Variants in PCARE observed in about 807,000 individuals in gnomAD.
PCARE encodes the protein photoreceptor cilium actin regulator.
Under a neutral mutation model 82.2 loss-of-function variants are expected in PCARE, and 72 were observed. The ratio of observed to expected loss-of-function variants is 0.88; its 90% CI spans 0.72 to 1.07. The LOEUF (loss-of-function observed/expected upper bound fraction) is 1.07. Ranked by LOEUF, PCARE falls within the 50% of genes least tolerant of loss-of-function variation. The pLI is 0.00. For synonymous variants in PCARE, 705 were observed against 634.8 expected, an observed-to-expected ratio of 1.11 and a Z score of -1.66; for missense variants, 1,768 against 1,592.4, an observed-to-expected ratio of 1.11 and a Z score of -1.88.
Position 29,064,950 on chromosome 2 carries a change from C to A in PCARE, c.3786G>T (p.Gly1262=), listed in dbSNP as rs1667369625. The A allele has an allele frequency of 1.9e-6, 3 of 1,607,520 alleles. No homozygotes were observed. The highest frequency in any genetic ancestry group is 2.5e-6 in the Non-Finnish European group (3 of 1,177,470). The part of the protein sequence containing the change: ...SPPEFCVLGH[G]LQPEPRTGHI... ...GGCCGGTCCGAGGCTCCGGTTGCAG[C>A]CCGTGGCCCAGCACACAGAACTCTG... The change falls in exon 2 of 2, where the codon GGG becomes GGT. Residue 1262 remains glycine, a synonymous_variant. Transcript: ENST00000331664.
In PCARE at chr2:29,074,473, G is replaced by T. The variant is rs1667552920; in HGVS notation, c.-212C>A. On this transcript the variant is annotated 5_prime_UTR_variant, in exon 1 of 2. Transcript: ENST00000331664. The stretch of plus-strand genomic sequence containing the variant: ...AGGGAGTGGTACCTGTCGTCCTGTT[G>T]TTGTTCTAAGTTTGGAACCCTCTGC... Among the ~76,000 whole-genome samples, 1 of 152,154 alleles carries T rather than the reference G, an allele frequency of 6.6e-6. No homozygotes were observed. Among genetic ancestry groups the T allele is most frequent in the South Asian group, 2.1e-4 (1 of 4,832 alleles).
rs1204184290 is a variant in PCARE, at chr2:29,070,743, T to C, written c.3519A>G (p.Ala1173=). ...WKNSSGPWLR[A]DSQRRAALCA... ...ACAGAGCTGCTCTCCGCTGCGAGTC[T>C]GCTCTCAGCCAAGGCCCTGAGCTGT... is the stretch of plus-strand genomic sequence containing the variant. The change falls in exon 1 of 2, where the codon GCA becomes GCG. Residue 1173 remains alanine, a synonymous_variant. Transcript: ENST00000331664. The C allele has an allele frequency of 6.2e-7, 1 of 1,614,170 alleles. No homozygotes were observed. Among genetic ancestry groups the C allele is most frequent in the Admixed American group, 1.7e-5 (1 of 60,024 alleles).
intron 1 of PCARE, 29 bp from the exon 2 acceptor site, chr2:29,065,096 A>G: frequency 6.5e-7 from 1 of 1,546,146 alleles, no homozygotes. Flanking sequence ...AGTGCAGGTC[A>G]GACACTCCTC....
In PCARE at chr2:29,070,591, TAC is replaced by T. The variant is rs1407846350; in HGVS notation, c.3668+1_3668+2del. 1.9e-6 allele frequency: 3 copies of T among 1,613,822 alleles called. No homozygotes were observed. The highest frequency in any genetic ancestry group is 1.7e-5 in the Admixed American group (1 of 60,008). ...AGGGCAGTGACCCCAGGACACTCCT[TAC>T]CTGTTCTGGCCGAGCTGGGATTCAT... On this transcript the variant is annotated splice_donor_variant, in intron 1 of 1. Transcript: ENST00000331664. LOFTEE classifies it high-confidence loss of function.
Position 29,074,121 on chromosome 2 carries a change from G to A in PCARE, c.141C>T (p.Asn47=), listed in dbSNP as rs1211392659. The A allele has an allele frequency of 6.2e-7, 1 of 1,614,104 alleles. No homozygotes were observed. Among genetic ancestry groups the A allele is most frequent in the Non-Finnish European group, 8.5e-7 (1 of 1,179,954 alleles). ...ERGSIPLLVK[N]STCYDAGEGL... is the part of the protein sequence containing the mutation. ...CCTCCCCAGCGTCATAGCAGGTGGA[G>A]TTTTTAACCAGCAAAGGGATGGAAC... Residue 47 remains asparagine (N), a synonymous_variant, in exon 1 of 2, where the codon AAC becomes AAT. Transcript: ENST00000331664.
At position 29,070,803 on chromosome 2, in the gene PCARE, C is replaced by T. The variant is rs749100588; in HGVS notation, c.3459G>A (p.Gly1153=). ...LTPPSLPPEA[G]GPLGNPAECW... Reference sequence around the variant, plus strand: ...ATTCTGCTGGGTTCCCGAGAGGGCCCCCAGCCTCTGGCGGCAGCGATGGTG... The same window carrying T: ...ATTCTGCTGGGTTCCCGAGAGGGCCTCCAGCCTCTGGCGGCAGCGATGGTG... Residue 1153 remains glycine (G), a synonymous_variant, in exon 1 of 2, where the codon GGG becomes GGA. Transcript: ENST00000331664. The T allele has an allele frequency of 6.2e-7, 1 of 1,614,114 alleles. No homozygotes were observed. Among genetic ancestry groups the T allele is most frequent in the South Asian group, 1.1e-5 (1 of 91,080 alleles).
In PCARE at chr2:29,073,106, G is replaced by C; in HGVS notation, c.1156C>G (p.Pro386Ala). 2 of 1,614,178 alleles carry C rather than the reference G, an allele frequency of 1.2e-6. No individual in the cohort carries two copies. Among genetic ancestry groups the C allele is most frequent in the Non-Finnish European group, 1.7e-6 (2 of 1,180,014 alleles). Residue 386 changes from proline (P) to alanine (A), a missense_variant, in exon 1 of 2, where the codon CCC becomes GCC. By Grantham distance (27) the Pro-to-Ala change is conservative. Transcript: ENST00000331664. ...EPEEWKSVTSPHTEARQSGHT... is the reference protein window; with the variant it reads ...EPEEWKSVTSAHTEARQSGHT... Reference sequence around the variant, plus strand: ...CCTGACTGCCTGGCCTCTGTGTGGGGTGAAGTCACCGACTTCCATTCTTCG... The same window carrying C: ...CCTGACTGCCTGGCCTCTGTGTGGGCTGAAGTCACCGACTTCCATTCTTCG...
In PCARE at chr2:29,074,163, C is replaced by T. The variant is rs146455733; in HGVS notation, c.99G>A (p.Gln33=). 1,937 of 1,610,772 alleles carry T rather than the reference C, an allele frequency of 1.2e-3. 4 individuals are homozygous for T. Among genetic ancestry groups the T allele is most frequent in the Non-Finnish European group, 1.4e-3 (1,593 of 1,177,742 alleles). ...GGATGGAACCTCTTTCACTTCCGCC[C>T]TGACATCCTGGCCGAATTGCTTTGG... The part of the protein sequence containing the change: ...KKPKAIRPGC[Q]GGSERGSIPL... Residue 33 remains glutamine, a synonymous_variant, in exon 1 of 2, where the codon CAG becomes CAA. Coordinates refer to ENST00000331664, the MANE Select transcript of PCARE (RefSeq NM_001029883.3).
chr2:29,074,153 C>G lies in PCARE; in HGVS notation c.109G>C (p.Glu37Gln), dbSNP rs774765654. 15 of 1,611,612 alleles carry G rather than the reference C, an allele frequency of 9.3e-6. No individual in the cohort carries two copies. The highest frequency in any genetic ancestry group is 1.3e-5 in the Non-Finnish European group (15 of 1,178,160). The change falls in exon 1 of 2, where the codon GAA becomes CAA. Residue 37 changes from glutamate to glutamine, a missense_variant. Glu to Gln is a conservative substitution (Grantham distance 29). Transcript: ENST00000331664. ...AIRPGCQGGS[E>Q]RGSIPLLVKN... ...ACCAGCAAAGGGATGGAACCTCTTT[C>G]ACTTCCGCCCTGACATCCTGGCCGA...
At chr2:29,066,101 T>C (rs1033127408) in intron 1 of PCARE, among the ~76,000 whole-genome samples, 11 of 152,094 alleles carry the variant, frequency 7.2e-5, no homozygotes, top group African/African-American at 2.4e-4. Flanking sequence ...TGAGCCGAGA[T>C]TGCGCCATAG....
In PCARE at chr2:29,070,627, C is replaced by T; in HGVS notation, c.3635G>A (p.Ser1212Asn). The T allele has an allele frequency of 6.2e-7, 1 of 1,614,052 alleles. No homozygotes were observed. The highest frequency in any genetic ancestry group is 2.2e-5 in the East Asian group (1 of 44,872). The change falls in exon 1 of 2, where the codon AGC becomes AAC. Residue 1212 changes from serine to asparagine, a missense_variant. Coordinates refer to ENST00000331664, the MANE Select transcript of PCARE (RefSeq NM_001029883.3). ...RPQPPTLDPT[S>N]TSYESQLGQN... ...GCCGAGCTGGGATTCATAAGAGGTG[C>T]TGGTGGGGTCCAAGGTGGGAGGCTG...
Position 29,065,006 on chromosome 2 carries a change from G to T in PCARE, c.3730C>A (p.Leu1244Met), listed in dbSNP as rs370823165. ...EPGSSPCSPE[L>M]QGGTRRASPP... ...GATGCACGCCTGGTGCCGCCCTGCA[G>T]TTCAGGGGAACAGGGGCTGCTCCCC... Residue 1244 changes from leucine (L) to methionine (M), a missense_variant, in exon 2 of 2, where the codon CTG becomes ATG. Leu to Met is a conservative substitution (Grantham distance 15). Transcript: ENST00000331664. 6.4e-7 allele frequency: 1 copy of T among 1,567,546 alleles called. No homozygotes were observed. Among genetic ancestry groups the T allele is most frequent in the East Asian group, 2.4e-5 (1 of 41,770 alleles).
Position 29,072,476 on chromosome 2 carries a change from A to G in PCARE, c.1786T>C (p.Ser596Pro). The change falls in exon 1 of 2, where the codon TCA (serine) becomes CCA (proline). Residue 596 changes from serine (S) to proline (P), a missense_variant. Transcript: ENST00000331664. ...ACGTGACTCTGGAGACACGACTCTG[A>G]CTGGGACCTCGTCTGCCTCTCAGGG... ...RAPERQTRSQ[S>P]ESCLQSHVED... The G allele has an allele frequency of 5.0e-6, 8 of 1,614,108 alleles. No individual in the cohort carries two copies. The highest frequency in any genetic ancestry group is 5.9e-6 in the Non-Finnish European group (7 of 1,179,998).
intron 1 of PCARE, among the ~76,000 whole-genome samples, chr2:29,069,115 T>A (rs1273392571): frequency 2.0e-5 from 3 of 152,224 alleles, no homozygotes; most frequent in Non-Finnish European, 4.4e-5. Flanking sequence ...GAAGCAGAGC[T>A]GAGAATCCGG....
chr2:29,071,303 TTCTC>T lies in PCARE; in HGVS notation c.2955_2958del (p.Arg986AlafsTer48). 1 of 1,613,490 alleles carries T rather than the reference TTCTC, an allele frequency of 6.2e-7. No individual in the cohort carries two copies. The highest frequency in any genetic ancestry group is 8.5e-7 in the Non-Finnish European group (1 of 1,179,908). On this transcript the variant is annotated frameshift_variant, in exon 1 of 2. Coordinates refer to ENST00000331664, the MANE Select transcript of PCARE (RefSeq NM_001029883.3). LOFTEE classifies it high-confidence loss of function. ...GAGGCCTTTCTGCCCACAGGGGGGCTTCTCTCTCGGCTCTGCCTTGGTCTGGCCA... is the reference window on the plus strand; with the variant it reads ...GAGGCCTTTCTGCCCACAGGGGGGCTTCTCGGCTCTGCCTTGGTCTGGCCA...
chr2:29,065,071 C>T lies in PCARE; in HGVS notation c.3669-4G>A. On this transcript the variant is annotated splice_region_variant and splice_polypyrimidine_tract_variant and intron_variant, in intron 1 of 1. Coordinates refer to ENST00000331664, the MANE Select transcript of PCARE (RefSeq NM_001029883.3). ...CTTAGGGCTCTCCTCGCTGCTGCTG[C>T]CGAGAGAAAGGACAAGTGCAGGTCA... 4 of 1,550,182 alleles carry T rather than the reference C, an allele frequency of 2.6e-6. No homozygotes were observed. The highest frequency in any genetic ancestry group is 3.5e-6 in the Non-Finnish European group (4 of 1,146,932).
Position 29,071,301 on chromosome 2 carries a change from G to T in PCARE, c.2961C>A (p.Ser987Arg), listed in dbSNP as rs1667476495. ...GAGAGGCCTTTCTGCCCACAGGGGGGCTTCTCTCTCGGCTCTGCCTTGGTC... is the reference window on the plus strand; with the variant it reads ...GAGAGGCCTTTCTGCCCACAGGGGGTCTTCTCTCTCGGCTCTGCCTTGGTC... Reference protein sequence around the residue: ...LARPRQSRERSPPVGRKASPT... With the variant: ...LARPRQSRERRPPVGRKASPT... The change falls in exon 1 of 2, where the codon AGC becomes AGA. Residue 987 changes from serine to arginine, a missense_variant. By Grantham distance (110) the Ser-to-Arg change is moderately radical. Transcript: ENST00000331664. 1 of 1,613,400 alleles carries T rather than the reference G, an allele frequency of 6.2e-7. No individual in the cohort carries two copies. Among genetic ancestry groups the T allele is most frequent in the African/African-American group, 1.3e-5 (1 of 75,034 alleles).
At position 29,064,769 on chromosome 2, in the gene PCARE, G is replaced by C; in HGVS notation, c.*100C>G. ...AGGCCTTTCCAGGACACCTCAGTAGGAGTTTGGTTTGCCCATCATCTCTGG... is the reference window on the plus strand; with the variant it reads ...AGGCCTTTCCAGGACACCTCAGTAGCAGTTTGGTTTGCCCATCATCTCTGG... On this transcript the variant is annotated 3_prime_UTR_variant, in exon 2 of 2. Transcript: ENST00000331664. The C allele has an allele frequency of 6.7e-7, 1 of 1,490,062 alleles. No individual in the cohort carries two copies. Among genetic ancestry groups the C allele is most frequent in the South Asian group, 1.2e-5 (1 of 85,940 alleles). 92.3% of individuals were successfully genotyped at this position (1,490,062 alleles called of 1,614,324 possible).
intron 1 of PCARE, among the ~76,000 whole-genome samples, chr2:29,068,657 G>A (rs1057355700): frequency 6.6e-6 from 1 of 152,140 alleles, no homozygotes; most frequent in Non-Finnish European, 1.5e-5. Flanking sequence ...TTTGACTCAC[G>A]CCCCATTGCG....
Sources: allele counts gnomAD v4.1 joint callset (sites outside exome capture counted in the v4.1 genomes callset), GRCh38; gene constraint gnomAD v4.1.1; transcripts MANE v1.5; gene names NCBI Gene and HGNC (gene_info 2026-07-23, HGNC 2026-07-21).